Variants in DCC observed in about 807,000 individuals in gnomAD.
The protein encoded by DCC is netrin receptor DCC.
DCC carries 58 observed loss-of-function variants against 172.5 expected under a neutral mutation model. The observed-to-expected ratio is 0.34, with a 90% confidence interval of 0.27 to 0.42. The LOEUF is 0.42. Ranked by LOEUF, DCC falls within the 10% of genes least tolerant of loss-of-function variation. The pLI is 1.00. For synonymous variants in DCC, 709 were observed against 644.5 expected, an observed-to-expected ratio of 1.10 and a Z score of -1.52; for missense variants, 1,740 against 1,791.0, an observed-to-expected ratio of 0.97 and a Z score of 0.51.
chr18:52,532,194 A>T (rs2032169801), intron 1 of DCC, among the ~76,000 whole-genome samples: 1 of 152,164 alleles, frequency 6.6e-6, no homozygotes, highest in Admixed American at 6.5e-5. Flanking sequence ...TTCTTCTATT[A>T]TAGGAATAAA....
In DCC at chr18:52,882,768, G is replaced by C. The variant is rs540214527; in HGVS notation, c.413-23276G>C. ...TGAAATGTACTGTAAATAGCTATTA[G>C]GCTTACTTGGTCTCTAACACAGACT... On this transcript the variant is annotated intron_variant, in intron 2 of 28. Coordinates refer to ENST00000442544, the MANE Select transcript of DCC (RefSeq NM_005215.4). 2.6e-5 allele frequency among the ~76,000 whole-genome samples: 4 copies of C among 152,154 alleles called. 1 individual carries two copies. The highest frequency in any genetic ancestry group is 6.5e-5 in the Admixed American group (1 of 15,278).
chr18:52,869,185 C>T (rs997314507), intron 2 of DCC, among the ~76,000 whole-genome samples: 2 of 152,192 alleles, frequency 1.3e-5, no homozygotes, highest in African/African-American at 2.4e-5. Flanking sequence ...CCCAAGTTCT[C>T]GTCCCGCAAC....
chr18:52,610,773 G>A lies in DCC; in HGVS notation c.92-141281G>A, dbSNP rs560680766. On this transcript the variant is annotated intron_variant, in intron 1 of 28. Transcript: ENST00000442544. ...TGTTTCAATAAAATCTTATTTATGG[G>A]CCCTTACATTTAGATTTCATATAAT... Among the ~76,000 whole-genome samples, 7 of 152,082 alleles carry A rather than the reference G, an allele frequency of 4.6e-5. No individual in the cohort carries two copies. The East Asian group carries it at 1.2e-3, about 25-fold the overall frequency.
At position 53,344,731 on chromosome 18, in the gene DCC, AC is replaced by A. The variant is rs34699830; in HGVS notation, c.2359+4827del. On this transcript the variant is annotated intron_variant, in intron 15 of 28. Transcript: ENST00000442544. ...TGGGACTGCAGGTATGAACCACCAC[AC>A]CCAGCCTAAATTTGAGTTATTAATA... 1.3e-3 allele frequency among the ~76,000 whole-genome samples: 194 copies of A among 150,134 alleles called. 1 individual carries two copies. Among genetic ancestry groups the A allele is most frequent in the South Asian group, 0.011 (55 of 4,786 alleles).
intron 7 of DCC, among the ~76,000 whole-genome samples, chr18:53,086,215 CCTTCTTCTTCTTCCGTT>C: frequency 2.1e-5 from 1 of 48,726 alleles, no homozygotes; most frequent in East Asian, 3.7e-4. Flanking sequence ...TCTTTCCTTC[CCTTCTTCTTCTTCCGTT>C]CTTCTTCTTC....
chr18:52,798,516 A>G (rs1301888052), intron 2 of DCC, among the ~76,000 whole-genome samples: 6 of 151,632 alleles, frequency 4.0e-5, no homozygotes, highest in South Asian at 2.1e-4. Context: ...CTGCAGAGGA[A>G]CTTTCTAATA....
chr18:53,411,130 T>TAA (rs147205025), intron 20 of DCC, among the ~76,000 whole-genome samples: 2 of 151,298 alleles, frequency 1.3e-5, no homozygotes, highest in Non-Finnish European at 3.0e-5. Flanking sequence ...GTAGAAACTA[T>TAA]AAAAAAGTTG....
intron 2 of DCC, among the ~76,000 whole-genome samples, chr18:52,849,210 TC>T (rs1215245857): frequency 2.6e-5 from 4 of 152,166 alleles, no homozygotes; most frequent in Non-Finnish European, 5.9e-5. Flanking sequence ...ATTAGTACTG[TC>T]CAGCAGGAAC....
At chr18:52,856,232 T>C (rs1447666775) in intron 2 of DCC, among the ~76,000 whole-genome samples, 1 of 152,198 alleles carries the variant, frequency 6.6e-6, no homozygotes, top group East Asian at 1.9e-4. Flanking sequence ...TGTGTATGTA[T>C]ATGTGAATAT....
intron 1 of DCC, among the ~76,000 whole-genome samples, chr18:52,645,371 G>T (rs2034999677): frequency 6.6e-6 from 1 of 151,980 alleles, no homozygotes; most frequent in South Asian, 2.1e-4. Flanking sequence ...CACCTAACTA[G>T]CTGTTCTGCT....
At chr18:52,384,959 G>T (rs1197614725) in intron 1 of DCC, among the ~76,000 whole-genome samples, 4 of 152,034 alleles carry the variant, frequency 2.6e-5, no homozygotes, top group East Asian at 3.9e-4. Flanking sequence ...TAATTAATGG[G>T]TTCTTCAAAT....
chr18:53,410,695 A>T lies in DCC; in HGVS notation c.3130+49A>T, dbSNP rs1909928766. On this transcript the variant is annotated intron_variant, in intron 20 of 28. Transcript: ENST00000442544. The stretch of plus-strand genomic sequence containing the variant: ...TTTTCTTTTCCTGTGGGATTGTTAT[A>T]AAATAGCTTTGCACTCTGTGTTAGA... 3 of 1,198,674 alleles carry T rather than the reference A, an allele frequency of 2.5e-6. No individual in the cohort carries two copies. In the South Asian group the frequency reaches 3.6e-5, roughly 14 times the overall value. The allele number at this position is 1,198,674 out of a possible 1,614,324, so 74.3% of individuals were successfully genotyped here.
Position 52,908,453 on chromosome 18 carries a change from T to C in DCC, c.697+2125T>C, listed in dbSNP as rs114633318. On this transcript the variant is annotated intron_variant, in intron 3 of 28. Coordinates refer to ENST00000442544, the MANE Select transcript of DCC (RefSeq NM_005215.4). The stretch of plus-strand genomic sequence containing the variant: ...TTAAATATTTATATTCACATATTAT[T>C]AATAATGCATCTGTTGAGTATATCA... 2.1e-3 allele frequency among the ~76,000 whole-genome samples: 315 copies of C among 152,312 alleles called. 1 individual carries two copies. Among genetic ancestry groups the C allele is most frequent in the African/African-American group, 7.2e-3 (300 of 41,574 alleles).
rs146391988 is a variant in DCC at position 52,904,336 on chromosome 18, C to A, written c.413-1708C>A. Among the ~76,000 whole-genome samples, 20 of 152,208 alleles carry A rather than the reference C, an allele frequency of 1.3e-4. 1 individual carries two copies. The highest frequency in any genetic ancestry group is 3.9e-4 in the African/African-American group (16 of 41,540). On this transcript the variant is annotated intron_variant, in intron 2 of 28. Coordinates refer to ENST00000442544, the MANE Select transcript of DCC (RefSeq NM_005215.4). Reference sequence around the variant, plus strand: ...TACCTAACCCACATATAATTTTGGTCTAATTTTATATTTCATAGATTCAGT... The same window carrying A: ...TACCTAACCCACATATAATTTTGGTATAATTTTATATTTCATAGATTCAGT...
chr18:52,921,031 A>G (rs2040116389), intron 3 of DCC, among the ~76,000 whole-genome samples: 1 of 152,146 alleles, frequency 6.6e-6, no homozygotes, highest in African/African-American at 2.4e-5. Context: ...GGATGGCAGG[A>G]GTGTAATGAA....
At chr18:52,472,990 A>G (rs1385117299) in intron 1 of DCC, among the ~76,000 whole-genome samples, 2 of 152,242 alleles carry the variant, frequency 1.3e-5, no homozygotes, top group Non-Finnish European at 2.9e-5. Context: ...TTCAAATTTC[A>G]GACAGAGCTA....
intron 15 of DCC, among the ~76,000 whole-genome samples, chr18:53,342,867 A>T (rs928335807): frequency 6.8e-6 from 1 of 147,826 alleles, no homozygotes; most frequent in Non-Finnish European, 1.5e-5. Context: ...TATGTATATT[A>T]TATATATTTG....
chr18:52,549,280 T>A (rs1365514206), intron 1 of DCC, among the ~76,000 whole-genome samples: 3 of 152,056 alleles, frequency 2.0e-5, no homozygotes, highest in Admixed American at 2.0e-4. Flanking sequence ...ACACCCTGTG[T>A]ACACTGGAGA....
At chr18:52,499,953 C>T (rs1352716908) in intron 1 of DCC, among the ~76,000 whole-genome samples, 2 of 152,094 alleles carry the variant, frequency 1.3e-5, no homozygotes, top group Non-Finnish European at 2.9e-5. Flanking sequence ...TATATATCAT[C>T]TCATATGCTT....
Sources: allele counts gnomAD v4.1 joint callset (sites outside exome capture counted in the v4.1 genomes callset), GRCh38; gene constraint gnomAD v4.1.1; transcripts MANE v1.5; gene names NCBI Gene and HGNC (gene_info 2026-07-23, HGNC 2026-07-21).